SEMA5A: variants seen among roughly 807,000 people sequenced by gnomAD.
The protein encoded by SEMA5A is semaphorin 5A.
Under a neutral mutation model 135.5 loss-of-function variants are expected in SEMA5A, and 55 were observed. The observed-to-expected ratio is 0.41, with a 90% CI of 0.33 to 0.51. SEMA5A has a LOEUF of 0.51. SEMA5A is among the 20% of genes least tolerant of loss of function. The pLI, the probability that SEMA5A is intolerant of heterozygous loss-of-function variation, is 0.37. For synonymous variants in SEMA5A, 580 were observed against 546.5 expected, an observed-to-expected ratio of 1.06 and a Z score of -0.85; for missense variants, 1,290 against 1,419.9, an observed-to-expected ratio of 0.91 and a Z score of 1.47.
rs769831502 is a variant in SEMA5A, at chr5:9,119,138, G to A, written c.1785C>T (p.Asn595=). ...ACGAGGTCCAGGGAGTCCAGCCTCCGTTCCTGAGGGAAGGGAAGCAATGCA... is the reference window on the plus strand; with the variant it reads ...ACGAGGTCCAGGGAGTCCAGCCTCCATTCCTGAGGGAAGGGAAGCAATGCA... ...PGMEIANCSR[N]GGWTPWTSWS... Residue 595 remains asparagine (N), a synonymous_variant, in exon 15 of 23, where the codon AAC becomes AAT. Transcript: ENST00000382496. 24 of 1,613,322 alleles carry A rather than the reference G, an allele frequency of 1.5e-5. No individual in the cohort carries two copies. The highest frequency in any genetic ancestry group is 1.9e-5 in the Non-Finnish European group (23 of 1,179,784).
intron 16 of SEMA5A, among the ~76,000 whole-genome samples, chr5:9,083,579 CATCCATT>C (rs1738510684): frequency 6.5e-5 from 4 of 61,762 alleles, no homozygotes; most frequent in East Asian, 9.0e-4. Context: ...TCCATTCATT[CATCCATT>C]CATCCATCCA....
Position 9,038,727 on chromosome 5 carries a change from T to C in SEMA5A, c.*4170A>G, listed in dbSNP as rs1000254636. 2 of 75,072 alleles carry C rather than the reference T, an allele frequency of 2.7e-5. No homozygotes were observed. The highest frequency in any genetic ancestry group is 2.0e-4 in the Admixed American group (1 of 4,896). The allele number at this position is 75,072 out of a possible 1,614,324, so 4.7% of individuals were successfully genotyped here. A position where few individuals can be genotyped will look rare whatever the true frequency, so the allele number is the denominator to read the frequency against. ...ACATAGAGACCCCCCGCTAAGACTTTGTTCTTTTTTTTTTTTTTTGAGACA... is the reference window on the plus strand; with the variant it reads ...ACATAGAGACCCCCCGCTAAGACTTCGTTCTTTTTTTTTTTTTTTGAGACA... On this transcript the variant is annotated 3_prime_UTR_variant, in exon 23 of 23. Coordinates refer to ENST00000382496, the MANE Select transcript of SEMA5A (RefSeq NM_003966.3).
chr5:9,267,920 T>G (rs1301070494), intron 5 of SEMA5A, among the ~76,000 whole-genome samples: 1 of 152,140 alleles, frequency 6.6e-6, no homozygotes, highest in Admixed American at 6.5e-5. Context: ...ATAAAAAGCT[T>G]TTTTCAAAAG....
intron 2 of SEMA5A, among the ~76,000 whole-genome samples, chr5:9,413,680 A>G (rs1318993724): frequency 1.3e-5 from 2 of 152,232 alleles, no homozygotes; most frequent in Non-Finnish European, 2.9e-5. Flanking sequence ...GTTTCTGTGT[A>G]TGTTTACCCT....
intron 13 of SEMA5A, 28 bp downstream of exon 13, chr5:9,136,476 T>G (rs746351499): frequency 3.2e-6 from 5 of 1,584,052 alleles, no homozygotes; most frequent in Non-Finnish European, 4.3e-6. Context: ...GGCAGCATTT[T>G]CAGAGGATGG....
chr5:9,152,050 G>T (rs1311781718), intron 12 of SEMA5A, among the ~76,000 whole-genome samples: 1 of 152,198 alleles, frequency 6.6e-6, no homozygotes, highest in Non-Finnish European at 1.5e-5. Flanking sequence ...ATCTGATGCA[G>T]AACTTAGTTC....
intron 1 of SEMA5A, among the ~76,000 whole-genome samples, chr5:9,453,642 A>C (rs1758727097): frequency 6.6e-6 from 1 of 152,234 alleles, no homozygotes; most frequent in African/African-American, 2.4e-5. Flanking sequence ...ACTTGAAACA[A>C]GGTTATTTAT....
At chr5:9,313,016 C>T (rs902503774) in intron 5 of SEMA5A, among the ~76,000 whole-genome samples, 1 of 152,098 alleles carries the variant, frequency 6.6e-6, no homozygotes, top group African/African-American at 2.4e-5. Context: ...TCCCCGTGCT[C>T]CTACTGTAGC....
At chr5:9,164,337 G>A (rs1234866551) in intron 11 of SEMA5A, among the ~76,000 whole-genome samples, 1 of 144,944 alleles carries the variant, frequency 6.9e-6, no homozygotes, top group Non-Finnish European at 1.5e-5. Flanking sequence ...GTAGGATATA[G>A]AAATAATAGA....
At chr5:9,194,830 G>A (rs534089827) in intron 10 of SEMA5A, among the ~76,000 whole-genome samples, 1 of 152,292 alleles carries the variant, frequency 6.6e-6, no homozygotes, top group Non-Finnish European at 1.5e-5. Context: ...AAGCCATTCA[G>A]TGTGACACTG....
At chr5:9,288,142 C>T (rs747459677) in intron 5 of SEMA5A, among the ~76,000 whole-genome samples, 8 of 152,146 alleles carry the variant, frequency 5.3e-5, no homozygotes, top group Admixed American at 2.0e-4. Flanking sequence ...CTTTATGAAT[C>T]AAGGGTTCTA....
chr5:9,397,511 C>T (rs1021508535), intron 2 of SEMA5A, among the ~76,000 whole-genome samples: 2 of 152,176 alleles, frequency 1.3e-5, no homozygotes, highest in African/African-American at 4.8e-5. Context: ...AATGGTTAGA[C>T]ATGACAATGC....
At chr5:9,409,973 G>A (rs911000848) in intron 2 of SEMA5A, among the ~76,000 whole-genome samples, 2 of 148,836 alleles carry the variant, frequency 1.3e-5, no homozygotes, top group Admixed American at 6.8e-5. Context: ...ATGGAACCCT[G>A]ATAAAAAATT....
intron 4 of SEMA5A, among the ~76,000 whole-genome samples, chr5:9,322,913 T>C (rs1157908036): frequency 6.6e-6 from 1 of 152,166 alleles, no homozygotes; most frequent in Non-Finnish European, 1.5e-5. Flanking sequence ...TACAGCAACA[T>C]TTACAAATCA....
At chr5:9,336,528 G>A (rs1252224369) in intron 4 of SEMA5A, among the ~76,000 whole-genome samples, 1 of 152,156 alleles carries the variant, frequency 6.6e-6, no homozygotes, top group Non-Finnish European at 1.5e-5. Flanking sequence ...ACTGGACTAA[G>A]GTAAGGAAGA....
chr5:9,415,500 C>A (rs1338643969), intron 2 of SEMA5A, among the ~76,000 whole-genome samples: 1 of 152,166 alleles, frequency 6.6e-6, no homozygotes, highest in East Asian at 1.9e-4. Flanking sequence ...TAATTTAATT[C>A]TGCATGTAAT....
At chr5:9,444,565 C>A (rs1450928657) in intron 1 of SEMA5A, among the ~76,000 whole-genome samples, 1 of 152,006 alleles carries the variant, frequency 6.6e-6, no homozygotes, top group Non-Finnish European at 1.5e-5. Flanking sequence ...ATAGATATAC[C>A]ACAGTTTCTT....
intron 5 of SEMA5A, among the ~76,000 whole-genome samples, chr5:9,255,618 C>T (rs182117710): frequency 6.6e-6 from 1 of 152,282 alleles, no homozygotes; most frequent in African/African-American, 2.4e-5. Flanking sequence ...CTAGCTGCTC[C>T]TTCTCAGTCT....
chr5:9,367,014 CAGAG>C (rs1754945168), intron 3 of SEMA5A, among the ~76,000 whole-genome samples: 1 of 152,180 alleles, frequency 6.6e-6, no homozygotes, highest in Non-Finnish European at 1.5e-5. Flanking sequence ...AAAATTGACT[CAGAG>C]AGGAGGCCAA....
Sources: allele counts gnomAD v4.1 joint callset (sites outside exome capture counted in the v4.1 genomes callset), GRCh38; gene constraint gnomAD v4.1.1; transcripts MANE v1.5; gene names NCBI Gene and HGNC (gene_info 2026-07-23, HGNC 2026-07-21).